Variants in COL20A1 observed in about 807,000 individuals in gnomAD.
The protein encoded by COL20A1 is collagen alpha-1(XX) chain.
In COL20A1, 164 loss-of-function variants were observed where a neutral mutation model predicts 152.9. The observed-to-expected ratio is 1.07, with a 90% CI of 0.94 to 1.22. The LOEUF (loss-of-function observed/expected upper bound fraction) is 1.22, where lower values mean the gene tolerates loss of function less well. Ranked by LOEUF, COL20A1 falls within the 50% of genes most tolerant of loss-of-function variation. The pLI is 0.00. For missense variants in COL20A1, 1,873 were observed against 1,744.8 expected (o/e 1.07, Z -1.31); for synonymous variants, 864 against 756.0 (o/e 1.14, Z -2.34).
At chr20:63,322,402 C>G (rs923446954) in intron 27 of COL20A1, among the ~76,000 whole-genome samples, 2 of 152,198 alleles carry the variant, frequency 1.3e-5, no homozygotes, top group African/African-American at 4.8e-5. Context: ...GCAGGGGAAT[C>G]TGAGGCTTGG....
Position 63,311,408 on chromosome 20 carries a change from C to T in COL20A1, c.1408C>T (p.Pro470Ser). 1 of 1,582,294 alleles carries T rather than the reference C, an allele frequency of 6.3e-7. No individual in the cohort carries two copies. The highest frequency in any genetic ancestry group is 8.6e-7 in the Non-Finnish European group (1 of 1,165,248). ...TGGCCCCCCAGCACCTCTGCCTCCG[C>T]CCCGGGCGCTGACCCTGGCCGCAGT... ...GLVTTAPLPP[P>S]RALTLAAVTP... is the part of the protein sequence containing the mutation. The change falls in exon 12 of 36, where the codon CCC becomes TCC. Residue 470 changes from proline (P) to serine (S), a missense_variant. By Grantham distance (74) the Pro-to-Ser change is moderately conservative. Coordinates refer to ENST00000358894, the MANE Select transcript of COL20A1 (RefSeq NM_020882.4). The surrounding 1 kb of genome is among the most constrained non-coding windows in gnomAD (Gnocchi z 4.4).
chr20:63,322,585 G>A (rs2068180636), intron 27 of COL20A1, among the ~76,000 whole-genome samples: 1 of 152,226 alleles, frequency 6.6e-6, no homozygotes, highest in African/African-American at 2.4e-5. Flanking sequence ...AGGTGTTTCG[G>A]GGGCGGAGGT....
chr20:63,307,957 C>T lies in COL20A1; in HGVS notation c.656-14C>T, dbSNP rs2067949258. 2 of 1,611,548 alleles carry T rather than the reference C, an allele frequency of 1.2e-6. No homozygotes were observed. The highest frequency in any genetic ancestry group is 2.2e-5 in the East Asian group (1 of 44,862). ...ATTGGAAACTCAGCCCGTGGCCATGCCCCTGCTCCCCAGGCCTGACTCAGT... is the reference window on the plus strand; with the variant it reads ...ATTGGAAACTCAGCCCGTGGCCATGTCCCTGCTCCCCAGGCCTGACTCAGT... On this transcript the variant is annotated splice_polypyrimidine_tract_variant and intron_variant, in intron 6 of 35. Coordinates refer to ENST00000358894, the MANE Select transcript of COL20A1 (RefSeq NM_020882.4).
intron 3 of COL20A1, among the ~76,000 whole-genome samples, chr20:63,302,184 A>G (rs775455524): frequency 6.6e-6 from 1 of 152,184 alleles, no homozygotes; most frequent in Non-Finnish European, 1.5e-5. Flanking sequence ...AATCCTGTCT[A>G]TAAATATTTC....
At chr20:63,327,494 G>T in intron 31 of COL20A1, 1 of 201,336 alleles carries the variant, frequency 5.0e-6, no homozygotes, top group Non-Finnish European at 1.0e-5. Flanking sequence ...TCCCCTGGGG[G>T]ATGCCTTGGC....
At chr20:63,302,800 C>G (rs937192150) in intron 3 of COL20A1, among the ~76,000 whole-genome samples, 3 of 152,208 alleles carry the variant, frequency 2.0e-5, no homozygotes, top group African/African-American at 2.4e-5. Flanking sequence ...TTCCCACTTT[C>G]TTCTCTTGCC....
At chr20:63,308,358 G>A (rs1172697862) in intron 7 of COL20A1, among the ~76,000 whole-genome samples, 184 bp from the exon 8 acceptor site, 2 of 152,214 alleles carry the variant, frequency 1.3e-5, no homozygotes, top group Non-Finnish European at 2.9e-5. Context: ...TGCAGGTAGG[G>A]TCTGGCTGGG....
chr20:63,320,444 T>C (rs1601433470), intron 25 of COL20A1, 76 bp downstream of exon 25: 2 of 1,384,770 alleles, frequency 1.4e-6, no homozygotes, highest in African/African-American at 2.8e-5. Context: ...GTGCCTGGGG[T>C]CAGTTGGCCT....
In COL20A1 at chr20:63,320,175, G is replaced by A. The variant is rs560093450; in HGVS notation, c.3053G>A (p.Gly1018Asp). Residue 1018 changes from glycine to aspartate, a missense_variant, in exon 24 of 36, where the codon GGC becomes GAC. Coordinates refer to ENST00000358894, the MANE Select transcript of COL20A1 (RefSeq NM_020882.4). ...VTLGRLAKAR[G>D]PRSSSAAFQL... The stretch of plus-strand genomic sequence containing the variant: ...CTGGGGAGGCTGGCCAAGGCCAGGG[G>A]CCCCCGGAGCAGTTCGGCCGCGGTG... 31 of 1,561,862 alleles carry A rather than the reference G, an allele frequency of 2.0e-5. No homozygotes were observed. The East Asian group carries it at 4.5e-4, about 23-fold the overall frequency.
chr20:63,314,234 G>A (rs377483394), intron 19 of COL20A1, 33 bp downstream of exon 19: 40 of 1,544,184 alleles, frequency 2.6e-5, no homozygotes, highest in Middle Eastern at 1.7e-4. Flanking sequence ...GACCCAGGTA[G>A]ACCCAGCCCC....
Position 63,308,446 on chromosome 20 carries a change from A to T in COL20A1, c.776-96A>T, listed in dbSNP as rs1349887277. 2.5e-6 allele frequency: 3 copies of T among 1,210,836 alleles called. No homozygotes were observed. The African/African-American group carries it at 4.6e-5, about 19-fold the overall frequency. The allele number at this position is 1,210,836 out of a possible 1,614,324, so 75.0% of individuals were successfully genotyped here. ...GGGGCCTCCTGATACCCCACAAGGG[A>T]AGGAGAGGAGCATCTCTGCTGTCCG... On this transcript the variant is annotated intron_variant, in intron 7 of 35. Transcript: ENST00000358894.
intron 1 of COL20A1, among the ~76,000 whole-genome samples, chr20:63,294,293 G>A (rs1449183340): frequency 1.3e-5 from 2 of 151,176 alleles, no homozygotes; most frequent in Non-Finnish European, 3.0e-5. Context: ...TGGAGGACTC[G>A]GGCCTGGCAG....
rs113433137 is a variant in COL20A1, at chr20:63,319,448, T to C, written c.2807-39T>C. The C allele has an allele frequency of 2.9e-3, 4,310 of 1,467,210 alleles. 92 individuals are homozygous for C. In the African/African-American group the frequency reaches 0.046, roughly 16 times the overall value. The allele number at this position is 1,467,210 out of a possible 1,614,324, so 90.9% of individuals were successfully genotyped here. A position where few individuals can be genotyped will look rare whatever the true frequency, so the allele number is the denominator to read the frequency against. On this transcript the variant is annotated intron_variant, in intron 22 of 35. Coordinates refer to ENST00000358894, the MANE Select transcript of COL20A1 (RefSeq NM_020882.4). The surrounding 1 kb of genome is among the most constrained non-coding windows in gnomAD (Gnocchi z 4.4). ...TGCTCAAGGTATAGGCCCGGCTGGT[T>C]GCAGCCCGTTCTCACCTGCTCCACC...
intron 15 of COL20A1, 35 bp from the exon 16 acceptor site, chr20:63,312,757 G>A (rs2068027087): frequency 6.6e-7 from 1 of 1,514,562 alleles, no homozygotes; most frequent in Admixed American, 2.0e-5. Flanking sequence ...AGGCTCAGGG[G>A]CTACACCCCC....
chr20:63,322,329 C>G (rs551844627), intron 27 of COL20A1, among the ~76,000 whole-genome samples: 37 of 152,284 alleles, frequency 2.4e-4, no homozygotes, highest in South Asian at 6.2e-4. Flanking sequence ...GCGCCTGGCC[C>G]AGGCCTGGTT....
Position 63,320,182 on chromosome 20 carries a change from G to A in COL20A1, c.3060G>A (p.Arg1020=). 6.4e-7 allele frequency: 1 copy of A among 1,572,336 alleles called. No individual in the cohort carries two copies. The highest frequency in any genetic ancestry group is 8.6e-7 in the Non-Finnish European group (1 of 1,161,638). Residue 1020 remains arginine (R), a synonymous_variant, in exon 24 of 36, where the codon CGG becomes CGA. Coordinates refer to ENST00000358894, the MANE Select transcript of COL20A1 (RefSeq NM_020882.4). ...LGRLAKARGP[R]SSSAAFQLQM... Reference sequence around the variant, plus strand: ...GGCTGGCCAAGGCCAGGGGCCCCCGGAGCAGTTCGGCCGCGGTGAGTTGGG... The same window carrying A: ...GGCTGGCCAAGGCCAGGGGCCCCCGAAGCAGTTCGGCCGCGGTGAGTTGGG...
At chr20:63,308,753 G>A (rs2067964644) in intron 8 of COL20A1, 47 bp downstream of exon 8, 7 of 1,491,092 alleles carry the variant, frequency 4.7e-6, no homozygotes, top group Middle Eastern at 1.8e-4. Flanking sequence ...ACCGCCGGGT[G>A]GGTTTAGGGT....
intron 27 of COL20A1, among the ~76,000 whole-genome samples, chr20:63,323,339 G>C (rs2068195553): frequency 6.6e-6 from 1 of 152,252 alleles, no homozygotes; most frequent in Admixed American, 6.5e-5. Flanking sequence ...TTTCCATACA[G>C]ATTTTAAAAT....
chr20:63,315,883 G>A (rs1009424161), intron 20 of COL20A1, among the ~76,000 whole-genome samples: 3 of 152,248 alleles, frequency 2.0e-5, no homozygotes, highest in Non-Finnish European at 4.4e-5. Flanking sequence ...GGCCTCTGCC[G>A]CCTCCTGCCC....
Sources: gnomAD v4.1 joint callset for allele counts (sites outside exome capture counted in the v4.1 genomes callset) on GRCh38, gnomAD v4.1.1 for gene constraint, Gnocchi (gnomAD v3.1) non-coding constraint, MANE v1.5 for transcripts, NCBI Gene and HGNC (gene_info 2026-07-23, HGNC 2026-07-21) for gene names.